The following NOTCH1 variants were observed in gnomAD, a reference collection of about 807,000 sequenced individuals.
NOTCH1 encodes the protein notch receptor 1, also known as neurogenic locus notch homolog protein 1.
A neutral mutation model predicts 254.8 loss-of-function variants in NOTCH1; 37 were observed. The observed-to-expected ratio is 0.15, with a 90% CI of 0.11 to 0.19. NOTCH1 has a LOEUF of 0.19. NOTCH1 is among the 10% of genes least tolerant of loss of function. NOTCH1 has a pLI of 1.00. For synonymous variants in NOTCH1, 1,731 were observed against 1,618.1 expected, an observed-to-expected ratio of 1.07 and a Z score of -1.68; for missense variants, 2,972 against 3,708.6, an observed-to-expected ratio of 0.80 and a Z score of 5.16.
At chr9:136,536,375 G>C (rs1181730069) in intron 2 of NOTCH1, among the ~76,000 whole-genome samples, 1 of 152,184 alleles carries the variant, frequency 6.6e-6, no homozygotes, top group Non-Finnish European at 1.5e-5. Context: ...CCTGTCACAC[G>C]GGCCTGGATC....
chr9:136,511,092 G>A (rs1843174206), intron 16 of NOTCH1, 60 bp downstream of exon 16: 17 of 1,611,048 alleles, frequency 1.1e-5, no homozygotes, highest in Non-Finnish European at 1.4e-5. Context: ...GGAGCTGCCT[G>A]TGTCCCGCAG....
intron 26 of NOTCH1, among the ~76,000 whole-genome samples, chr9:136,504,323 C>T (rs1302043789): frequency 2.0e-5 from 3 of 152,262 alleles, no homozygotes; most frequent in African/African-American, 7.2e-5. Flanking sequence ...AGGTGTGAGC[C>T]TCCTCGCCTG....
At chr9:136,516,924 G>A (rs967014874) in intron 9 of NOTCH1, among the ~76,000 whole-genome samples, 22 of 151,484 alleles carry the variant, frequency 1.5e-4, no homozygotes, top group African/African-American at 5.3e-4. Context: ...CCCCTCAGAA[G>A]GCCGGGGTGC....
chr9:136,514,431 G>A (rs1589065317), intron 13 of NOTCH1, 79 bp downstream of exon 13: 2 of 1,465,838 alleles, frequency 1.4e-6, no homozygotes, highest in Admixed American at 2.0e-5. Context: ...CTCAAGCTCT[G>A]TGCAGGTGCC....
Position 136,513,412 on chromosome 9 carries a change from G to A in NOTCH1, c.2333C>T (p.Thr778Ile), listed in dbSNP as rs765822790. Residue 778 changes from threonine to isoleucine, a missense_variant, in exon 14 of 34, where the codon ACC (threonine) becomes ATC (isoleucine). By Grantham distance (89) the Thr-to-Ile change is moderately conservative. Around this residue, in one of 8 missense-constraint regions of NOTCH1, gnomAD observed 1,343 missense variants for 1,557.0 expected, o/e 0.86. Coordinates refer to ENST00000651671, the MANE Select transcript of NOTCH1 (RefSeq NM_017617.5). This position sits in a 1 kb window ranked among gnomAD's most constrained non-coding sequence, Gnocchi z 4.7. ...CKDMTSGYVC[T>I]CREGFSGPNC... is the part of the protein sequence containing the mutation. ...CTCACCGCTGAAGCCCTCCCGGCAG[G>A]TGCACACGTAGCCACTGGTCATGTC... 8 of 1,612,794 alleles carry A rather than the reference G, an allele frequency of 5.0e-6. No individual in the cohort carries two copies. Among genetic ancestry groups the A allele is most frequent in the Admixed American group, 3.3e-5 (2 of 60,000 alleles).
In NOTCH1 at chr9:136,494,566, T is replaced by TA; in HGVS notation, c.*1504dup. Reference sequence around the variant, plus strand: ...TTTCTGTAAACTACACTCTATTTTATAAAACACAGTAAAAATCAACATCTT... The same window carrying TA: ...TTTCTGTAAACTACACTCTATTTTATAAAAACACAGTAAAAATCAACATCTT... On this transcript the variant is annotated 3_prime_UTR_variant, in exon 34 of 34. Transcript: ENST00000651671. The TA allele has an allele frequency of 2.5e-6, 1 of 399,042 alleles. No individual in the cohort carries two copies. The highest frequency in any genetic ancestry group is 4.4e-6 in the Non-Finnish European group (1 of 226,080). The allele number at this position is 399,042 out of a possible 1,614,324, so 24.7% of individuals were successfully genotyped here.
rs555446456 is a variant in NOTCH1, at chr9:136,496,363, T to C, written c.7376A>G (p.Gln2459Arg). ...CGACGTGGGCAGGGCGGGGCTCTCC[T>C]GGGGCAGAATAGTGTGCACCGCCAG... ...SSLAVHTILP[Q>R]ESPALPTSLP... is the part of the protein sequence containing the mutation. The change falls in exon 34 of 34, where the codon CAG (glutamine) becomes CGG (arginine). Residue 2459 changes from glutamine (Q) to arginine (R), a missense_variant. Physicochemically the swap from Gln to Arg is conservative, Grantham distance 43. Transcript: ENST00000651671. 5 of 1,593,682 alleles carry C rather than the reference T, an allele frequency of 3.1e-6. No individual in the cohort carries two copies. The highest frequency in any genetic ancestry group is 2.6e-6 in the Non-Finnish European group (3 of 1,174,502).
chr9:136,520,820 G>C (rs1312887744), intron 4 of NOTCH1, among the ~76,000 whole-genome samples: 3 of 152,156 alleles, frequency 2.0e-5, no homozygotes, highest in Non-Finnish European at 2.9e-5. Context: ...GAGGCAGATG[G>C]GGCCCCTGGC....
rs1238087958 is a variant in NOTCH1 at position 136,506,079 on chromosome 9, G to A, written c.4015-198C>T. 6.6e-6 allele frequency among the ~76,000 whole-genome samples: 1 copy of A among 152,188 alleles called. No individual in the cohort carries two copies. The highest frequency in any genetic ancestry group is 1.5e-5 in the Non-Finnish European group (1 of 68,028). On this transcript the variant is annotated intron_variant, in intron 24 of 33. Transcript: ENST00000651671. The surrounding 1 kb of genome is among the most constrained non-coding windows in gnomAD (Gnocchi z 4.5). ...GATCGGGGGTGCCAGGGGGTCGGGAGATGGAGGAAGGGGTAAACTGGTGGA... is the reference window on the plus strand; with the variant it reads ...GATCGGGGGTGCCAGGGGGTCGGGAAATGGAGGAAGGGGTAAACTGGTGGA...
rs2133318061 is a variant in NOTCH1 at position 136,497,194 on chromosome 9, T to C, written c.6545A>G (p.Lys2182Arg). The C allele has an allele frequency of 6.2e-7, 1 of 1,612,834 alleles. No individual in the cohort carries two copies. Among genetic ancestry groups the C allele is most frequent in the Non-Finnish European group, 8.5e-7 (1 of 1,179,962 alleles). Reference sequence around the variant, plus strand: ...CAGGCAGCCCTTGCCGTCCTGGGACTTCTTCCTCCGTGCCTTGAGGTCCTT... The same window carrying C: ...CAGGCAGCCCTTGCCGTCCTGGGACCTCTTCCTCCGTGCCTTGAGGTCCTT... Reference protein sequence around the residue: ...EAKDLKARRKKSQDGKGCLLD... With the variant: ...EAKDLKARRKRSQDGKGCLLD... Residue 2182 changes from lysine to arginine, a missense_variant, in exon 34 of 34, where the codon AAG becomes AGG. Lys to Arg is a conservative substitution (Grantham distance 26, BLOSUM62 2). Coordinates refer to ENST00000651671, the MANE Select transcript of NOTCH1 (RefSeq NM_017617.5).
At chr9:136,531,423 G>C (rs964290072) in intron 2 of NOTCH1, among the ~76,000 whole-genome samples, 3 of 152,224 alleles carry the variant, frequency 2.0e-5, no homozygotes, top group South Asian at 4.1e-4. Flanking sequence ...CTGGGAAAGA[G>C]GAGGAAGGCG....
intron 17 of NOTCH1, 120 bp downstream of exon 17, chr9:136,510,533 C>T: frequency 7.3e-7 from 1 of 1,365,348 alleles, no homozygotes; most frequent in East Asian, 2.5e-5. Flanking sequence ...ACCCAACCCT[C>T]CCCGGCCACA....
At chr9:136,519,768 G>T (rs1354663472) in intron 4 of NOTCH1, 1 of 681,798 alleles carries the variant, frequency 1.5e-6, no homozygotes, top group Non-Finnish European at 2.6e-6. Context: ...GACAGGACTG[G>T]CTAAACAGGG....
chr9:136,521,555 C>T (rs1035053613), intron 4 of NOTCH1, among the ~76,000 whole-genome samples: 1 of 152,184 alleles, frequency 6.6e-6, no homozygotes, highest in African/African-American at 2.4e-5. Context: ...TGAACCACGG[C>T]CCCCCAAGAG....
chr9:136,523,256 T>C lies in NOTCH1; in HGVS notation c.404-68A>G, dbSNP rs564692563. ...CCCCGAGGCCGGGCCTTCCCTCCCT[T>C]CAGGCCACCTGGAGGTGCCAGCCTG... On this transcript the variant is annotated intron_variant, in intron 3 of 33. Transcript: ENST00000651671. 12 of 1,461,326 alleles carry C rather than the reference T, an allele frequency of 8.2e-6. No individual in the cohort carries two copies. The African/African-American group carries it at 9.8e-5, about 12-fold the overall frequency. The allele number at this position is 1,461,326 out of a possible 1,614,324, so 90.5% of individuals were successfully genotyped here.
chr9:136,502,386 G>A lies in NOTCH1; in HGVS notation c.5270C>T (p.Ser1757Phe), dbSNP rs1843012177. 1 of 1,612,248 alleles carries A rather than the reference G, an allele frequency of 6.2e-7. No homozygotes were observed. The change falls in exon 28 of 34, where the codon TCC becomes TTC. Residue 1757 changes from serine to phenylalanine, a missense_variant. Coordinates refer to ENST00000651671, the MANE Select transcript of NOTCH1 (RefSeq NM_017617.5). ...LFFVGCGVLLSRKRRRQHGQL... is the reference protein window; with the variant it reads ...LFFVGCGVLLFRKRRRQHGQL... Reference sequence around the variant, plus strand: ...GCCATGCTGCCGCCGGCGCTTGCGGGACAGCAGCACCCCGCAGCCCACGAA... The same window carrying A: ...GCCATGCTGCCGCCGGCGCTTGCGGAACAGCAGCACCCCGCAGCCCACGAA...
chr9:136,496,484 G>T lies in NOTCH1; in HGVS notation c.7255C>A (p.Leu2419Ile), dbSNP rs746218012. The change falls in exon 34 of 34, where the codon CTT becomes ATT. Residue 2419 changes from leucine (L) to isoleucine (I), a missense_variant. Leu to Ile is a conservative substitution (Grantham distance 5). Coordinates refer to ENST00000651671, the MANE Select transcript of NOTCH1 (RefSeq NM_017617.5). ...QPPPPPPQPH[L>I]GVSSAASGHL... The stretch of plus-strand genomic sequence containing the variant: ...CCGCTGGCTGCTGAGCTCACGCCAA[G>T]GTGCGGCTGTGGTGGTGGTGGTGGC... The T allele has an allele frequency of 1.2e-6, 2 of 1,601,722 alleles. No homozygotes were observed. Among genetic ancestry groups the T allele is most frequent in the South Asian group, 2.2e-5 (2 of 91,090 alleles).
At chr9:136,524,424 G>T (rs1301164540) in intron 2 of NOTCH1, among the ~76,000 whole-genome samples, 1 of 152,202 alleles carries the variant, frequency 6.6e-6, no homozygotes, top group African/African-American at 2.4e-5. Flanking sequence ...CTACACCCGC[G>T]GAGAGCCATG....
In NOTCH1 at chr9:136,509,879, G is replaced by A. The variant is rs749408618; in HGVS notation, c.2823C>T (p.Phe941=). The A allele has an allele frequency of 2.5e-6, 4 of 1,613,092 alleles. No homozygotes were observed. Among genetic ancestry groups the A allele is most frequent in the Non-Finnish European group, 3.4e-6 (4 of 1,180,034 alleles). ...CDCLPGFRGT[F]CEEDINECAS... Reference sequence around the variant, plus strand: ...CACACTCGTTGATGTCCTCCTCACAGAAAGTGCCCCGGAAGCCGGGCAGGC... The same window carrying A: ...CACACTCGTTGATGTCCTCCTCACAAAAAGTGCCCCGGAAGCCGGGCAGGC... The change falls in exon 18 of 34, where the codon TTC becomes TTT. Residue 941 remains phenylalanine, a synonymous_variant. Transcript: ENST00000651671.
Sources: gnomAD v4.1 joint callset for allele counts (sites outside exome capture counted in the v4.1 genomes callset) on GRCh38, gnomAD v4.1.1 for gene constraint, gnomAD v4.1.1 regional missense constraint, Gnocchi (gnomAD v3.1) non-coding constraint, MANE v1.5 for transcripts, NCBI Gene and HGNC (gene_info 2026-07-23, HGNC 2026-07-21) for gene names.